Variants in RASSF2 observed in about 807,000 individuals in gnomAD.
The protein encoded by RASSF2 is Ras association domain family member 2, also known as ras association domain-containing protein 2.
Under a neutral mutation model 46.3 loss-of-function variants are expected in RASSF2, and 34 were observed. That is an observed-to-expected ratio of 0.73 (90% CI 0.56 to 0.98). The LOEUF is 0.98. Among genes scored for constraint, RASSF2 ranks in the 50% least tolerant of loss-of-function variants. The probability of loss-of-function intolerance (pLI) is 0.00; values close to 1 mark genes in which losing one functional copy is unlikely to be tolerated. For missense variants in RASSF2, 364 were observed against 431.2 expected (o/e 0.84, Z 1.38); for synonymous variants, 158 against 162.5 (o/e 0.97, Z 0.21).
At chr20:4,793,645 T>A (rs1926094695) in intron 5 of RASSF2, among the ~76,000 whole-genome samples, 1 of 151,972 alleles carries the variant, frequency 6.6e-6, no homozygotes, top group African/African-American at 2.4e-5. Context: ...TATTTTTTTT[T>A]TTTATTTTAT....
Position 4,795,759 on chromosome 20 carries a change from C to A in RASSF2, c.287+56G>T. ...AAGGCAGCATTTATCTGCTTGAGAACACATAGAACACCCAAGCATCCCAGT... is the reference window on the plus strand; with the variant it reads ...AAGGCAGCATTTATCTGCTTGAGAAAACATAGAACACCCAAGCATCCCAGT... On this transcript the variant is annotated intron_variant, in intron 5 of 11. Transcript: ENST00000379400. This position sits in a 1 kb window ranked among gnomAD's most constrained non-coding sequence, Gnocchi z 4.0. 1 of 1,554,144 alleles carries A rather than the reference C, an allele frequency of 6.4e-7. No homozygotes were observed. Among genetic ancestry groups the A allele is most frequent in the South Asian group, 1.2e-5 (1 of 86,300 alleles).
chr20:4,790,490 G>A lies in RASSF2; in HGVS notation c.498C>T (p.Arg166=), dbSNP rs773845628. Residue 166 remains arginine, a synonymous_variant, in exon 7 of 12, where the codon CGC becomes CGT. Transcript: ENST00000379400. This position sits in a 1 kb window ranked among gnomAD's most constrained non-coding sequence, Gnocchi z 4.3. The stretch of plus-strand genomic sequence containing the variant: ...AATGGCCGTTGATGGAGAAGCGGTG[G>A]CGTCTGATTCGCCGCTGGTCACTAG... ...RTPSDQRRIR[R]HRFSINGHFY... 11 of 1,511,152 alleles carry A rather than the reference G, an allele frequency of 7.3e-6. No homozygotes were observed. Among genetic ancestry groups the A allele is most frequent in the Non-Finnish European group, 9.7e-6 (11 of 1,133,686 alleles). The allele number at this position is 1,511,152 out of a possible 1,614,324, so 93.6% of individuals were successfully genotyped here.
In RASSF2 at chr20:4,790,504, G is replaced by A. The variant is rs764886904; in HGVS notation, c.484C>T (p.Arg162Trp). 1.8e-5 allele frequency: 27 copies of A among 1,526,334 alleles called. 1 individual carries two copies. Among genetic ancestry groups the A allele is most frequent in the South Asian group, 1.4e-4 (11 of 79,556 alleles). The allele number at this position is 1,526,334 out of a possible 1,614,324, so 94.5% of individuals were successfully genotyped here. A position where few individuals can be genotyped will look rare whatever the true frequency, so the allele number is the denominator to read the frequency against. ...GAGAAGCGGTGGCGTCTGATTCGCCGCTGGTCACTAGGCGTCCTCACATTG... is the reference window on the plus strand; with the variant it reads ...GAGAAGCGGTGGCGTCTGATTCGCCACTGGTCACTAGGCGTCCTCACATTG... ...RGNVRTPSDQ[R>W]RIRRHRFSIN... Residue 162 changes from arginine (R) to tryptophan (W), a missense_variant, in exon 7 of 12, where the codon CGG becomes TGG. Transcript: ENST00000379400. The surrounding 1 kb of genome is among the most constrained non-coding windows in gnomAD (Gnocchi z 4.3).
rs1924781686 is a variant in RASSF2 at position 4,781,145 on chromosome 20, TTTC to T, written c.*3125_*3127del. The T allele has an allele frequency of 6.6e-6, 1 of 152,126 alleles. No individual in the cohort carries two copies. The highest frequency in any genetic ancestry group is 2.4e-5 in the African/African-American group (1 of 41,410). 9.4% of individuals were successfully genotyped at this position (152,126 alleles called of 1,614,324 possible). ...GAGCTTCTTGCTCTTCTGTGGCCAA[TTTC>T]TTCACTCTCCTGACACTTTGAAGTA... On this transcript the variant is annotated 3_prime_UTR_variant, in exon 12 of 12. Coordinates refer to ENST00000379400, the MANE Select transcript of RASSF2 (RefSeq NM_014737.3).
intron 8 of RASSF2, 49 bp from the exon 9 acceptor site, chr20:4,788,317 C>CCA (rs764292568): frequency 6.5e-7 from 1 of 1,527,610 alleles, no homozygotes; most frequent in East Asian, 2.3e-5. Context: ...TTTAAACATC[C>CCA]CAACTTCGAG....
chr20:4,810,013 A>G (rs1272246683), intron 2 of RASSF2, among the ~76,000 whole-genome samples: 1 of 152,210 alleles, frequency 6.6e-6, no homozygotes, highest in African/African-American at 2.4e-5. Flanking sequence ...CACAGCATGC[A>G]ATAGATTAAG....
chr20:4,788,328 G>C (rs1925550339), intron 8 of RASSF2, 60 bp from the exon 9 acceptor site: 1 of 1,486,924 alleles, frequency 6.7e-7, no homozygotes, highest in Non-Finnish European at 9.4e-7. Flanking sequence ...CAACTTCGAG[G>C]CTTTTCCTCT....
chr20:4,786,257 A>T lies in RASSF2; in HGVS notation c.885T>A (p.Asp295Glu), dbSNP rs754310500. 5.0e-6 allele frequency: 8 copies of T among 1,613,072 alleles called. No individual in the cohort carries two copies. In the South Asian group the frequency reaches 8.8e-5, roughly 18 times the overall value. The change falls in exon 11 of 12, where the codon GAT becomes GAA. Residue 295 changes from aspartate (D) to glutamate (E), a missense_variant. Asp to Glu is a conservative substitution (Grantham distance 45). Transcript: ENST00000379400. ...TGCGCATCAGCTTCTTTACTTCCCG[A>T]TCTTCTTCCTCCTGGAGCTTCTGAA... ...SFIQKLQEEEDREVKKLMRKY... is the reference protein window; with the variant it reads ...SFIQKLQEEEEREVKKLMRKY...
chr20:4,797,038 G>A (rs1402544945), intron 4 of RASSF2, among the ~76,000 whole-genome samples: 2 of 152,088 alleles, frequency 1.3e-5, no homozygotes, highest in Non-Finnish European at 1.5e-5. Context: ...CCTCAAAGAG[G>A]GAGGAAGGAA....
intron 2 of RASSF2, among the ~76,000 whole-genome samples, chr20:4,816,220 G>T (rs1928294754): frequency 6.6e-6 from 1 of 152,076 alleles, no homozygotes; most frequent in South Asian, 2.1e-4. Flanking sequence ...GTGGGAGGAT[G>T]ACTTGAGCCC....
chr20:4,807,269 T>A (rs1387051399), intron 2 of RASSF2, among the ~76,000 whole-genome samples: 1 of 150,650 alleles, frequency 6.6e-6, no homozygotes, highest in Non-Finnish European at 1.5e-5. Context: ...AATTTAAACA[T>A]TGAAAAATAA....
chr20:4,810,948 G>T (rs1038042316), intron 2 of RASSF2, among the ~76,000 whole-genome samples: 1 of 152,168 alleles, frequency 6.6e-6, no homozygotes, highest in Non-Finnish European at 1.5e-5. Context: ...CCAAGGATGG[G>T]GGGCAGTGGG....
At position 4,781,493 on chromosome 20, in the gene RASSF2, A is replaced by G. The variant is rs977308714; in HGVS notation, c.*2780T>C. The G allele has an allele frequency of 6.6e-6, 1 of 152,178 alleles. No individual in the cohort carries two copies. The highest frequency in any genetic ancestry group is 1.5e-5 in the Non-Finnish European group (1 of 68,042). The allele number at this position is 152,178 out of a possible 1,614,324, so 9.4% of individuals were successfully genotyped here. ...TCCAGCCTTGTGCACGTTCTTCACCAATACGTACAGGGAAGACTATCTTTT... is the reference window on the plus strand; with the variant it reads ...TCCAGCCTTGTGCACGTTCTTCACCGATACGTACAGGGAAGACTATCTTTT... On this transcript the variant is annotated 3_prime_UTR_variant, in exon 12 of 12. Coordinates refer to ENST00000379400, the MANE Select transcript of RASSF2 (RefSeq NM_014737.3).
chr20:4,802,756 G>A (rs553229942), intron 2 of RASSF2, among the ~76,000 whole-genome samples: 18 of 151,964 alleles, frequency 1.2e-4, no homozygotes, highest in African/African-American at 3.6e-4. Context: ...GGAGATAGAC[G>A]GCAGTGATGG....
chr20:4,813,963 C>T (rs777130743), intron 2 of RASSF2, among the ~76,000 whole-genome samples: 6 of 152,154 alleles, frequency 3.9e-5, no homozygotes, highest in Non-Finnish European at 8.8e-5. Context: ...TCCAGTTCAA[C>T]CAAGTGAGAC....
Position 4,795,785 on chromosome 20 carries a change from C to A in RASSF2, c.287+30G>T, listed in dbSNP as rs1368097262. On this transcript the variant is annotated intron_variant, in intron 5 of 11. Transcript: ENST00000379400. The surrounding 1 kb of genome is among the most constrained non-coding windows in gnomAD (Gnocchi z 4.0). ...ACATAGAACACCCAAGCATCCCAGT[C>A]ATCTCCCTGCCCCGTCTCTCCTCAC... 6.3e-7 allele frequency: 1 copy of A among 1,591,030 alleles called. No homozygotes were observed. Among genetic ancestry groups the A allele is most frequent in the Non-Finnish European group, 8.6e-7 (1 of 1,167,172 alleles).
intron 8 of RASSF2, among the ~76,000 whole-genome samples, chr20:4,789,251 C>G (rs2422991): frequency 0.41 from 62,844 of 151,974 alleles, 13,176 homozygotes; most frequent in African/African-American, 0.46. Context: ...CAGGGTCCTT[C>G]TAAAGTAGCC....
intron 2 of RASSF2, among the ~76,000 whole-genome samples, chr20:4,814,915 C>T (rs1253451016): frequency 6.6e-6 from 1 of 152,218 alleles, no homozygotes; most frequent in Non-Finnish European, 1.5e-5. Flanking sequence ...CCATGAAAAG[C>T]AGAACTGCTC....
intron 2 of RASSF2, among the ~76,000 whole-genome samples, chr20:4,804,353 CT>C (rs10659167): frequency 3.5e-4 from 41 of 118,722 alleles, no homozygotes; most frequent in South Asian, 3.2e-3. Context: ...AGAAAGCTTT[CT>C]TTTTTTTTTT....
Sources: gnomAD v4.1 joint callset for allele counts (sites outside exome capture counted in the v4.1 genomes callset) on GRCh38, gnomAD v4.1.1 for gene constraint, Gnocchi (gnomAD v3.1) non-coding constraint, MANE v1.5 for transcripts, NCBI Gene and HGNC (gene_info 2026-07-23, HGNC 2026-07-21) for gene names.